The following PKIG variants were observed in gnomAD, a reference collection of about 807,000 sequenced individuals.
PKIG encodes the protein cAMP-dependent protein kinase inhibitor gamma.
Under a neutral mutation model 6.8 loss-of-function variants are expected in PKIG, and 1 was observed. The ratio of observed to expected loss-of-function variants is 0.15; its 90% CI spans 0.05 to 0.69. The LOEUF is 0.69. Ranked by LOEUF, PKIG falls within the 30% of genes least tolerant of loss-of-function variation. PKIG has a pLI of 0.82. For missense variants in PKIG, 77 were observed against 104.0 expected, an observed-to-expected ratio of 0.74 and a Z score of 1.13; for synonymous variants, 39 against 43.0, an observed-to-expected ratio of 0.91 and a Z score of 0.36.
chr20:44,555,084 G>A (rs1425319390), intron 1 of PKIG, among the ~76,000 whole-genome samples: 2 of 152,008 alleles, frequency 1.3e-5, no homozygotes, highest in East Asian at 3.8e-4. Context: ...CATTTAACAT[G>A]TTACTGTGCT....
intron 2 of PKIG, among the ~76,000 whole-genome samples, chr20:44,601,217 C>T (rs1442130751): frequency 6.6e-6 from 1 of 152,222 alleles, no homozygotes; most frequent in Non-Finnish European, 1.5e-5. Context: ...CCTGACCTTC[C>T]CTTCCTATCA....
At chr20:44,611,827 A>T (rs560356923) in intron 2 of PKIG, among the ~76,000 whole-genome samples, 4 of 146,840 alleles carry the variant, frequency 2.7e-5, no homozygotes, top group South Asian at 2.1e-4. Context: ...CCGATAACAA[A>T]TTTTTTTTTT....
chr20:44,539,227 T>C (rs2064538779), intron 1 of PKIG, among the ~76,000 whole-genome samples: 1 of 152,044 alleles, frequency 6.6e-6, no homozygotes, highest in Non-Finnish European at 1.5e-5. Flanking sequence ...TGAGCCATCA[T>C]GCCCGGCCTG....
chr20:44,610,367 C>A (rs2065203390), intron 2 of PKIG, among the ~76,000 whole-genome samples: 2 of 152,118 alleles, frequency 1.3e-5, no homozygotes, highest in Non-Finnish European at 2.9e-5. Context: ...CTTTGAGGGC[C>A]CCTAATTCAT....
chr20:44,614,513 C>T lies in PKIG; in HGVS notation c.-23-21C>T. On this transcript the variant is annotated intron_variant, in intron 2 of 3. Coordinates refer to ENST00000372886, the MANE Select transcript of PKIG (RefSeq NM_001281445.2). This position sits in a 1 kb window ranked among gnomAD's most constrained non-coding sequence, Gnocchi z 4.6. ...AATGCATCTGGACTTACCTCTGCCC[C>T]CTTGCCTTCTGTCCCCACAGGCCTG... 4 of 1,598,356 alleles carry T rather than the reference C, an allele frequency of 2.5e-6. No homozygotes were observed. The highest frequency in any genetic ancestry group is 2.2e-5 in the South Asian group (2 of 90,040).
intron 1 of PKIG, among the ~76,000 whole-genome samples, chr20:44,576,414 C>T (rs1425857367): frequency 2.6e-5 from 4 of 151,980 alleles, no homozygotes; most frequent in South Asian, 2.1e-4. Context: ...GGGGAGCTAA[C>T]GTGGCTCAGA....
chr20:44,613,277 T>C (rs1412642521), intron 2 of PKIG, among the ~76,000 whole-genome samples: 1 of 152,232 alleles, frequency 6.6e-6, no homozygotes, highest in Admixed American at 6.5e-5. Flanking sequence ...GCCATTCTCC[T>C]GCCTCAGCCT....
chr20:44,566,083 T>C (rs1206869089), intron 1 of PKIG, among the ~76,000 whole-genome samples: 1 of 152,124 alleles, frequency 6.6e-6, no homozygotes, highest in African/African-American at 2.4e-5. Context: ...ATTTTAAAAC[T>C]CTTACAACAT....
intron 2 of PKIG, among the ~76,000 whole-genome samples, chr20:44,605,113 A>G (rs575758789): frequency 6.6e-6 from 1 of 152,336 alleles, no homozygotes; most frequent in South Asian, 2.1e-4. Flanking sequence ...AGATTAAAAG[A>G]TTCAGAAACA....
intron 1 of PKIG, among the ~76,000 whole-genome samples, chr20:44,540,024 G>C (rs2123141252): frequency 6.6e-6 from 1 of 152,168 alleles, no homozygotes; most frequent in Non-Finnish European, 1.5e-5. Context: ...GCAGTGGTGT[G>C]ATCTTGGCTC....
chr20:44,614,738 C>T lies in PKIG; in HGVS notation c.151+31C>T. 1 of 1,610,932 alleles carries T rather than the reference C, an allele frequency of 6.2e-7. No individual in the cohort carries two copies. The highest frequency in any genetic ancestry group is 8.5e-7 in the Non-Finnish European group (1 of 1,178,586). On this transcript the variant is annotated intron_variant, in intron 3 of 3. Transcript: ENST00000372886. The surrounding 1 kb of genome is among the most constrained non-coding windows in gnomAD (Gnocchi z 4.6). ...AGCCAGCAGGTCCTTGGCACTACTG[C>T]ATGCCAGAGGCCCTCTGCCGGGCCC...
chr20:44,595,563 GGGTGCAGT>G (rs2065068446), intron 2 of PKIG, among the ~76,000 whole-genome samples: 1 of 152,078 alleles, frequency 6.6e-6, no homozygotes, highest in African/African-American at 2.4e-5. Flanking sequence ...GCCCAGGCAG[GGGTGCAGT>G]GGCATGATCT....
intron 1 of PKIG, among the ~76,000 whole-genome samples, chr20:44,560,495 A>C (rs974017745): frequency 2.0e-5 from 3 of 152,216 alleles, no homozygotes; most frequent in Admixed American, 2.0e-4. Context: ...ATAGCTACCA[A>C]AGCCATTTTT....
intron 1 of PKIG, among the ~76,000 whole-genome samples, chr20:44,560,774 G>A (rs1019469634): frequency 1.3e-5 from 2 of 152,126 alleles, no homozygotes; most frequent in African/African-American, 4.8e-5. Flanking sequence ...AAGTAATAAT[G>A]CCATCAGGCA....
chr20:44,589,534 G>T (rs1234255350), intron 1 of PKIG, among the ~76,000 whole-genome samples: 1 of 151,988 alleles, frequency 6.6e-6, no homozygotes, highest in African/African-American at 2.4e-5. Context: ...TCTATTAATA[G>T]ACATTTAAGT....
chr20:44,560,252 A>G (rs1477068127), intron 1 of PKIG, among the ~76,000 whole-genome samples: 1 of 140,398 alleles, frequency 7.1e-6, no homozygotes, highest in Non-Finnish European at 1.5e-5. Flanking sequence ...CTTGTCTCTA[A>G]ATAAATAAAT....
At position 44,607,375 on chromosome 20, in the gene PKIG, ATAT is replaced by A. The variant is rs1254217412; in HGVS notation, c.-23-7157_-23-7155del. ...TGTGTGTGTGTATATATATATATAT[ATAT>A]TTTTTTTTTTTTTTTTTTGAAATAG... On this transcript the variant is annotated intron_variant, in intron 2 of 3. Coordinates refer to ENST00000372886, the MANE Select transcript of PKIG (RefSeq NM_001281445.2). Among the ~76,000 whole-genome samples, 309 of 106,232 alleles carry A rather than the reference ATAT, an allele frequency of 2.9e-3. 1 individual carries two copies. Among genetic ancestry groups the A allele is most frequent in the African/African-American group, 8.9e-3 (221 of 24,928 alleles). The allele number at this position is 106,232 out of a possible 152,430, so 69.7% of individuals were successfully genotyped here.
At chr20:44,597,563 C>T (rs571397292) in intron 2 of PKIG, among the ~76,000 whole-genome samples, 1 of 152,246 alleles carries the variant, frequency 6.6e-6, no homozygotes, top group Middle Eastern at 3.4e-3. Context: ...TTTGGAGATG[C>T]ATTTTATAGA....
At chr20:44,570,080 A>G (rs1286076969) in intron 1 of PKIG, among the ~76,000 whole-genome samples, 2 of 152,190 alleles carry the variant, frequency 1.3e-5, no homozygotes, top group Non-Finnish European at 2.9e-5. Context: ...ACAGCGAGCT[A>G]TGATGATATC....
Sources: allele counts gnomAD v4.1 joint callset (sites outside exome capture counted in the v4.1 genomes callset), GRCh38; gene constraint gnomAD v4.1.1; non-coding constraint Gnocchi (gnomAD v3.1); transcripts MANE v1.5; gene names NCBI Gene and HGNC (gene_info 2026-07-23, HGNC 2026-07-21).